LRRIQ3: variants seen among roughly 807,000 people sequenced by gnomAD.
LRRIQ3 encodes leucine-rich repeat and IQ domain-containing protein 3.
LRRIQ3 carries 75 observed loss-of-function variants against 59.3 expected under a neutral mutation model. That is an observed-to-expected ratio of 1.26 (90% confidence interval 1.05 to 1.53). LRRIQ3 has a LOEUF of 1.53. LRRIQ3 is among the 40% of genes most tolerant of loss of function. The pLI is 0.00. For missense variants in LRRIQ3, 831 were observed against 710.0 expected, an observed-to-expected ratio of 1.17 and a Z score of -1.94; for synonymous variants, 250 against 231.3, an observed-to-expected ratio of 1.08 and a Z score of -0.73.
intron 7 of LRRIQ3, among the ~76,000 whole-genome samples, chr1:74,035,135 C>G (rs1653830961): frequency 6.6e-6 from 1 of 152,150 alleles, no homozygotes; most frequent in African/African-American, 2.4e-5. Flanking sequence ...GTGAGCAATA[C>G]AAATGATTCT....
intron 5 of LRRIQ3, among the ~76,000 whole-genome samples, chr1:74,100,880 C>T (rs915552343): frequency 1.3e-5 from 2 of 152,056 alleles, no homozygotes. Flanking sequence ...AACTGGATGC[C>T]TTCCTTACAC....
At chr1:74,151,432 A>C (rs1232882488) in intron 4 of LRRIQ3, among the ~76,000 whole-genome samples, 1 of 152,186 alleles carries the variant, frequency 6.6e-6, no homozygotes, top group Non-Finnish European at 1.5e-5. Context: ...GTACTATGTG[A>C]CAAGGTATCC....
intron 4 of LRRIQ3, 78 bp downstream of exon 4, chr1:74,155,655 T>C (rs2100667456): frequency 7.3e-7 from 1 of 1,361,776 alleles, no homozygotes; most frequent in East Asian, 2.6e-5. Context: ...ATGCAAATTA[T>C]TGGAGAATTG....
At chr1:74,137,915 G>A (rs530261280) in intron 4 of LRRIQ3, among the ~76,000 whole-genome samples, 1 of 151,786 alleles carries the variant, frequency 6.6e-6, no homozygotes, top group East Asian at 2.0e-4. Context: ...ACACAGGGAG[G>A]GGAACATCAC....
chr1:74,148,134 T>A (rs76165460), intron 4 of LRRIQ3, among the ~76,000 whole-genome samples: 7,386 of 152,296 alleles, frequency 0.048, 248 homozygotes, highest in Non-Finnish European at 0.074. Flanking sequence ...TGCTTTTTCA[T>A]GTTTCTTGTG....
In LRRIQ3 at chr1:74,062,683, T is replaced by C. The variant is rs116699561; in HGVS notation, c.997+11978A>G. ...AAAAAGAATGAGATCATGTCCTTTGTAGTAACATGGTTGGAGCTGTAGGCC... is the reference window on the plus strand; with the variant it reads ...AAAAAGAATGAGATCATGTCCTTTGCAGTAACATGGTTGGAGCTGTAGGCC... On this transcript the variant is annotated intron_variant, in intron 6 of 7. Transcript: ENST00000354431. 4.2e-3 allele frequency among the ~76,000 whole-genome samples: 632 copies of C among 152,230 alleles called. 5 individuals carry two copies. The highest frequency in any genetic ancestry group is 0.014 in the African/African-American group (602 of 41,552).
intron 5 of LRRIQ3, among the ~76,000 whole-genome samples, chr1:74,098,794 C>T (rs938997966): frequency 2.0e-5 from 3 of 152,158 alleles, no homozygotes; most frequent in African/African-American, 7.2e-5. Flanking sequence ...CAACCTGCTC[C>T]TGAATGACTA....
At chr1:74,091,029 G>C (rs1337572271) in intron 5 of LRRIQ3, among the ~76,000 whole-genome samples, 1 of 152,104 alleles carries the variant, frequency 6.6e-6, no homozygotes, top group Non-Finnish European at 1.5e-5. Flanking sequence ...CCAAAGGTAA[G>C]TCCTCAAAGA....
At chr1:74,128,302 T>G (rs1646964842) in intron 4 of LRRIQ3, among the ~76,000 whole-genome samples, 1 of 151,992 alleles carries the variant, frequency 6.6e-6, no homozygotes, top group East Asian at 1.9e-4. Context: ...CATTTTTTTG[T>G]CTCCTCTGTA....
At chr1:74,044,454 T>C (rs890261990) in intron 6 of LRRIQ3, among the ~76,000 whole-genome samples, 10 of 151,994 alleles carry the variant, frequency 6.6e-5, no homozygotes, top group African/African-American at 2.4e-4. Context: ...AGCTCCCACA[T>C]CACCTTCTGC....
intron 6 of LRRIQ3, among the ~76,000 whole-genome samples, chr1:74,069,178 G>A (rs78234532): frequency 0.034 from 5,100 of 152,040 alleles, 307 homozygotes; most frequent in African/African-American, 0.12. Flanking sequence ...TTTCTGGAAA[G>A]TATTTGAATT....
chr1:74,060,221 GTTCTTCTTCTTCTTC>G (rs773201991), intron 6 of LRRIQ3, among the ~76,000 whole-genome samples: 2 of 53,564 alleles, frequency 3.7e-5, no homozygotes, highest in African/African-American at 7.8e-5. Context: ...TCTTCTTCTT[GTTCTTCTTCTTCTTC>G]TTCTTCTTCT....
intron 7 of LRRIQ3, 39 bp from the exon 8 acceptor site, chr1:74,027,008 T>A: frequency 1.5e-6 from 2 of 1,353,022 alleles, no homozygotes; most frequent in Non-Finnish European, 2.0e-6. Context: ...GAGATACTTT[T>A]AAATACTGAA....
intron 6 of LRRIQ3, chr1:74,050,598 T>C (rs1438116149): frequency 1.0e-6 from 1 of 984,942 alleles, no homozygotes; most frequent in African/African-American, 1.7e-5. Context: ...GGTCCAAACC[T>C]ATTTAAAATC....
intron 4 of LRRIQ3, among the ~76,000 whole-genome samples, chr1:74,142,526 G>A (rs1027597941): frequency 3.7e-4 from 56 of 152,082 alleles, no homozygotes; most frequent in African/African-American, 1.2e-3. Context: ...CATTCTTCGA[G>A]TAGGTAGCCA....
intron 3 of LRRIQ3, chr1:74,180,313 C>T (rs1020185805): frequency 1.3e-5 from 2 of 158,554 alleles, no homozygotes; most frequent in Non-Finnish European, 2.8e-5. Context: ...AGGTTGTGTC[C>T]TTAGTTTTCA....
chr1:74,146,218 C>T (rs564821752), intron 4 of LRRIQ3, among the ~76,000 whole-genome samples: 64 of 152,096 alleles, frequency 4.2e-4, no homozygotes, highest in South Asian at 3.7e-3. Flanking sequence ...AGAATGCATC[C>T]TTGTCATTAA....
chr1:74,079,041 C>T (rs1375401992), intron 5 of LRRIQ3, among the ~76,000 whole-genome samples: 1 of 151,806 alleles, frequency 6.6e-6, no homozygotes, highest in Admixed American at 6.6e-5. Flanking sequence ...CTTCTCTATT[C>T]TACAGCTATA....
chr1:74,189,217 T>C (rs1364043821), intron 1 of LRRIQ3, among the ~76,000 whole-genome samples: 2 of 152,108 alleles, frequency 1.3e-5, no homozygotes, highest in East Asian at 3.9e-4. Context: ...TGAAATAGGG[T>C]AGCCAGACTT....
Sources: allele counts gnomAD v4.1 joint callset (sites outside exome capture counted in the v4.1 genomes callset), GRCh38; gene constraint gnomAD v4.1.1; transcripts MANE v1.5; gene names NCBI Gene and HGNC (gene_info 2026-07-23, HGNC 2026-07-21).